The following HRH4 variants were observed in gnomAD, a reference collection of about 807,000 sequenced individuals.
HRH4 encodes the protein histamine receptor H4.
HRH4 carries 12 observed loss-of-function variants against 10.4 expected under a neutral mutation model. The ratio of observed to expected loss-of-function variants is 1.15; its 90% CI spans 0.74 to 1.87. The LOEUF is 1.87. Among genes scored for constraint, HRH4 ranks in the 40% most tolerant of loss-of-function variants. The pLI is 0.00. For synonymous variants in HRH4, 154 were observed against 166.6 expected, an observed-to-expected ratio of 0.92 and a Z score of 0.58; for missense variants, 415 against 453.3, an observed-to-expected ratio of 0.92 and a Z score of 0.77.
chr18:24,462,843 T>C (rs1256525870), intron 1 of HRH4, among the ~76,000 whole-genome samples: 1 of 152,234 alleles, frequency 6.6e-6, no homozygotes. Flanking sequence ...CACATCATTC[T>C]CTGTGCTCCC....
intron 1 of HRH4, among the ~76,000 whole-genome samples, chr18:24,467,053 T>C (rs868603057): frequency 1.2e-4 from 18 of 152,354 alleles, no homozygotes; most frequent in Middle Eastern, 3.4e-3. Flanking sequence ...TGGTTTCAGA[T>C]GCAATCTTCT....
intron 1 of HRH4, among the ~76,000 whole-genome samples, chr18:24,461,933 T>G (rs1407819621): frequency 1.3e-5 from 2 of 152,158 alleles, no homozygotes; most frequent in African/African-American, 2.4e-5. Flanking sequence ...GTTTTTGATG[T>G]AGAAGAGTGG....
chr18:24,474,817 CTGGGACTA>C (rs1310292979), intron 2 of HRH4, among the ~76,000 whole-genome samples: 1 of 151,870 alleles, frequency 6.6e-6, no homozygotes, highest in Non-Finnish European at 1.5e-5. Context: ...CTCCCGAGAG[CTGGGACTA>C]CAGGTGCGAG....
chr18:24,477,101 CTTTCTGCATCGACAGAAG>C lies in HRH4; in HGVS notation c.715_732del (p.Ser239_Val244del). ...AGGTAGACTATCTTCAAGGAGATCTCTTTCTGCATCGACAGAAGTTCCTGCATCCTTTCATTCAGAGAG... is the reference window on the plus strand; with the variant it reads ...AGGTAGACTATCTTCAAGGAGATCTCTTCCTGCATCCTTTCATTCAGAGAG... On this transcript the variant is annotated inframe_deletion, in exon 3 of 3. Coordinates refer to ENST00000256906, the MANE Select transcript of HRH4 (RefSeq NM_021624.4). The C allele has an allele frequency of 6.2e-7, 1 of 1,614,198 alleles. No homozygotes were observed. The highest frequency in any genetic ancestry group is 8.5e-7 in the Non-Finnish European group (1 of 1,180,028).
intron 1 of HRH4, among the ~76,000 whole-genome samples, chr18:24,465,230 G>C (rs1909743117): frequency 6.6e-6 from 1 of 152,192 alleles, no homozygotes; most frequent in Non-Finnish European, 1.5e-5. Flanking sequence ...GGAGGTTGCA[G>C]TGAGTCGAGA....
chr18:24,472,851 G>T (rs1418110207), intron 2 of HRH4, among the ~76,000 whole-genome samples: 1 of 152,012 alleles, frequency 6.6e-6, no homozygotes, highest in African/African-American at 2.4e-5. Flanking sequence ...TGGAGGGAAT[G>T]GGAATTAAAA....
At chr18:24,474,187 G>A (rs1910064629) in intron 2 of HRH4, among the ~76,000 whole-genome samples, 1 of 152,080 alleles carries the variant, frequency 6.6e-6, no homozygotes, top group African/African-American at 2.4e-5. Context: ...AGCACCATCT[G>A]GGTATTGTTA....
intron 2 of HRH4, among the ~76,000 whole-genome samples, chr18:24,469,794 T>C (rs1909885198): frequency 6.6e-6 from 1 of 152,142 alleles, no homozygotes; most frequent in Non-Finnish European, 1.5e-5. Context: ...GGGGTATGTG[T>C]GCAGGTTTTT....
rs529676732 is a variant in HRH4, at chr18:24,477,902, T to G, written c.*340T>G. 1.5e-3 allele frequency: 263 copies of G among 177,678 alleles called. 1 individual carries two copies. The highest frequency in any genetic ancestry group is 2.8e-3 in the South Asian group (17 of 6,134). The allele number at this position is 177,678 out of a possible 1,614,324, so 11.0% of individuals were successfully genotyped here. On this transcript the variant is annotated 3_prime_UTR_variant, in exon 3 of 3. Transcript: ENST00000256906. ...TTTTTAATTTTATCGTAATAGAAAC[T>G]TATCCAGTTTGAAAATCATTCCCTA...
intron 1 of HRH4, among the ~76,000 whole-genome samples, chr18:24,465,090 C>T (rs1909739243): frequency 6.6e-6 from 1 of 151,830 alleles, no homozygotes; most frequent in South Asian, 2.1e-4. Context: ...AGTTCGAGAC[C>T]AGCCTGGCCA....
intron 1 of HRH4, among the ~76,000 whole-genome samples, chr18:24,467,636 C>T (rs764154224): frequency 1.3e-5 from 2 of 152,096 alleles, no homozygotes; most frequent in African/African-American, 2.4e-5. Context: ...CTCCATCTCC[C>T]GGGTTCAAGC....
chr18:24,473,333 C>T (rs565537040), intron 2 of HRH4, among the ~76,000 whole-genome samples: 28 of 152,150 alleles, frequency 1.8e-4, no homozygotes, highest in Non-Finnish European at 3.8e-4. Flanking sequence ...AGACCACAAA[C>T]TGGGTTGCTG....
chr18:24,472,404 G>A (rs1909995610), intron 2 of HRH4, among the ~76,000 whole-genome samples: 1 of 152,154 alleles, frequency 6.6e-6, no homozygotes, highest in African/African-American at 2.4e-5. Context: ...AATTCAGGCT[G>A]TAAACTTGGT....
intron 2 of HRH4, among the ~76,000 whole-genome samples, chr18:24,469,460 C>G (rs1909875335): frequency 6.6e-6 from 1 of 152,200 alleles, no homozygotes; most frequent in South Asian, 2.1e-4. Context: ...CTTTTAGAAC[C>G]TGGGCCAAGA....
chr18:24,477,233 T>C lies in HRH4; in HGVS notation c.844T>C (p.Ser282Pro), dbSNP rs773223791. Residue 282 changes from serine (S) to proline (P), a missense_variant, in exon 3 of 3, where the codon TCA becomes CCA. Ser to Pro is a moderately conservative substitution (Grantham distance 74). Coordinates refer to ENST00000256906, the MANE Select transcript of HRH4 (RefSeq NM_021624.4). ...IASKMGSFSQ[S>P]DSVALHQREH... Reference sequence around the variant, plus strand: ...TTCCAAAATGGGTTCCTTCTCCCAATCAGATTCTGTAGCTCTTCACCAAAG... The same window carrying C: ...TTCCAAAATGGGTTCCTTCTCCCAACCAGATTCTGTAGCTCTTCACCAAAG... 1.2e-6 allele frequency: 2 copies of C among 1,614,208 alleles called. No individual in the cohort carries two copies. Among genetic ancestry groups the C allele is most frequent in the South Asian group, 2.2e-5 (2 of 91,078 alleles).
chr18:24,461,513 C>T (rs962318914), intron 1 of HRH4, among the ~76,000 whole-genome samples: 5 of 152,016 alleles, frequency 3.3e-5, no homozygotes, highest in South Asian at 2.1e-4. Flanking sequence ...TCTGAAAACA[C>T]GCACTTTATA....
intron 2 of HRH4, among the ~76,000 whole-genome samples, chr18:24,471,559 A>C (rs1457249471): frequency 8.0e-6 from 1 of 124,226 alleles, no homozygotes; most frequent in Admixed American, 1.0e-4. Flanking sequence ...GTGAGCTGAG[A>C]TTGCACCATT....
rs472407 is a variant in HRH4 at position 24,479,493 on chromosome 18, C to T, written c.*1931C>T. On this transcript the variant is annotated 3_prime_UTR_variant, in exon 3 of 3. Coordinates refer to ENST00000256906, the MANE Select transcript of HRH4 (RefSeq NM_021624.4). ...GATGGGGGTCTTGCTCTGTTGCCCA[C>T]GCAGGAGTGCAGTGGCATGCTCTCA... The T allele has an allele frequency of 0.45, 68,669 of 152,016 alleles. 16,132 individuals carry two copies. Among genetic ancestry groups the T allele is most frequent in the African/African-American group, 0.5 (20,821 of 41,442 alleles). The allele number at this position is 152,016 out of a possible 1,614,324, so 9.4% of individuals were successfully genotyped here.
At position 24,464,872 on chromosome 18, in the gene HRH4, A is replaced by G. The variant is rs556503804; in HGVS notation, c.194-3916A>G. 1.2e-4 allele frequency among the ~76,000 whole-genome samples: 18 copies of G among 152,278 alleles called. No individual in the cohort carries two copies. In the Middle Eastern group the frequency reaches 0.014, roughly 115 times the overall value. ...ATAAACAAGAAAAATAACTAAGACAAATTTTATAGTATTTTAGAGGGTGAT... is the reference window on the plus strand; with the variant it reads ...ATAAACAAGAAAAATAACTAAGACAGATTTTATAGTATTTTAGAGGGTGAT... On this transcript the variant is annotated intron_variant, in intron 1 of 2. Coordinates refer to ENST00000256906, the MANE Select transcript of HRH4 (RefSeq NM_021624.4).
Sources: gnomAD v4.1 joint callset for allele counts (sites outside exome capture counted in the v4.1 genomes callset) on GRCh38, gnomAD v4.1.1 for gene constraint, MANE v1.5 for transcripts, NCBI Gene and HGNC (gene_info 2026-07-23, HGNC 2026-07-21) for gene names.